The following CREB3 variants were observed in gnomAD, a reference collection of about 807,000 sequenced individuals.
CREB3 encodes the protein cyclic AMP-responsive element-binding protein 3.
CREB3 carries 29 observed loss-of-function variants against 34.5 expected under a neutral mutation model. That is an observed-to-expected ratio of 0.84 (90% CI 0.63 to 1.15). CREB3 has a LOEUF of 1.15. Ranked by LOEUF, CREB3 falls within the 50% of genes most tolerant of loss-of-function variation. The pLI, the probability that CREB3 is intolerant of heterozygous loss-of-function variation, is 0.00. For synonymous variants in CREB3, 187 were observed against 173.9 expected (o/e 1.08, Z -0.59); for missense variants, 447 against 443.4 (o/e 1.01, Z -0.07).
rs1750227344 is a variant in CREB3 at position 35,733,418 on chromosome 9, CAG to C, written c.370_371del (p.Asp124Ter). The C allele has an allele frequency of 1.9e-6, 3 of 1,613,692 alleles. No homozygotes were observed. The highest frequency in any genetic ancestry group is 1.3e-5 in the African/African-American group (1 of 74,908). On this transcript the variant is annotated frameshift_variant, in exon 4 of 9. Transcript: ENST00000353704. LOFTEE classifies it high-confidence loss of function. ...TAGGAGATTGCTAGGCTAGTACTGA[CAG>C]ATGAGGAGAAGAGTCTATTGGAGAA...
rs1402809995 is a variant in CREB3 at position 35,732,869 on chromosome 9, GC to G, written c.101del (p.Pro34HisfsTer17). ...LGTAPDEAVR[A>X]PLDWALPLSE... is the part of the protein sequence containing the mutation. ...GACGGCACCCGATGAGGCCGTGAGG[GC>G]CCCACTGGACTGGGCGCTGCCGCTT... On this transcript the variant is annotated frameshift_variant, in exon 1 of 9. Coordinates refer to ENST00000353704, the MANE Select transcript of CREB3 (RefSeq NM_006368.5). LOFTEE classifies it high-confidence loss of function. The surrounding 1 kb of genome is among the most constrained non-coding windows in gnomAD (Gnocchi z 5.1). The G allele has an allele frequency of 6.2e-7, 1 of 1,614,182 alleles. No individual in the cohort carries two copies. Among genetic ancestry groups the G allele is most frequent in the Admixed American group, 1.7e-5 (1 of 60,006 alleles).
rs1311252515 is a variant in CREB3 at position 35,735,383 on chromosome 9, C to T, written c.611+9C>T. ...CTGGAGGAACAGAATTTGTAAGTAT[C>T]CCTCCAAACCATTCCCTTCCTATGC... On this transcript the variant is annotated intron_variant, in intron 6 of 8. Transcript: ENST00000353704. The T allele has an allele frequency of 6.2e-7, 1 of 1,609,388 alleles. No individual in the cohort carries two copies. The highest frequency in any genetic ancestry group is 2.2e-5 in the East Asian group (1 of 44,860).
Position 35,736,249 on chromosome 9 carries a change from T to G in CREB3, c.719T>G (p.Leu240Arg), listed in dbSNP as rs746355965. ...CILVLLVSFC[L>R]LLVPAMYSSD... ...TAGGTCCTACTAGTCTCCTTCTGCC[T>G]CCTCCTTGTACCTGCTATGTACTCC... Residue 240 changes from leucine to arginine, a missense_variant, in exon 8 of 9, where the codon CTC (leucine) becomes CGC (arginine). Transcript: ENST00000353704. 5.0e-6 allele frequency: 8 copies of G among 1,614,022 alleles called. No homozygotes were observed. The African/African-American group carries it at 1.1e-4, about 22-fold the overall frequency.
Position 35,736,912 on chromosome 9 carries a change from GAATGTACCT to G in CREB3, c.*187_*195del. The G allele has an allele frequency of 1.4e-6, 1 of 727,894 alleles. No homozygotes were observed. The highest frequency in any genetic ancestry group is 2.2e-6 in the Non-Finnish European group (1 of 451,504). The allele number at this position is 727,894 out of a possible 1,614,324, so 45.1% of individuals were successfully genotyped here. On this transcript the variant is annotated 3_prime_UTR_variant, in exon 9 of 9. Transcript: ENST00000353704. The stretch of plus-strand genomic sequence containing the variant: ...TGTACCCATGTGTCTGTCACACCAT[GAATGTACCT>G]GGGGAAATCAACTGACCTCCCTGAA...
At position 35,733,215 on chromosome 9, in the gene CREB3, AGAGT is replaced by A. The variant is rs1369727531; in HGVS notation, c.282_285del (p.Ser94ArgfsTer10). 4 of 1,614,196 alleles carry A rather than the reference AGAGT, an allele frequency of 2.5e-6. No individual in the cohort carries two copies. The highest frequency in any genetic ancestry group is 2.2e-5 in the South Asian group (2 of 91,076). On this transcript the variant is annotated frameshift_variant and splice_region_variant, in exon 3 of 9. Coordinates refer to ENST00000353704, the MANE Select transcript of CREB3 (RefSeq NM_006368.5). LOFTEE classifies it high-confidence loss of function. Reference sequence around the variant, plus strand: ...GCTATTCATACTTTCCCTTTTGCAGAGAGTGAGAGCTGTAGAAAAGAGGGGACCC... The same window carrying A: ...GCTATTCATACTTTCCCTTTTGCAGAGAGAGCTGTAGAAAAGAGGGGACCC...
Position 35,733,052 on chromosome 9 carries a change from G to A in CREB3, c.186G>A (p.Ala62=), listed in dbSNP as rs748105562. Reference sequence around the variant, plus strand: ...TGTGCTCCCTGCTGAGTCCCCCAGCGTCGTTGAACATTCTCAGCTCCTCCA... The same window carrying A: ...TGTGCTCCCTGCTGAGTCCCCCAGCATCGTTGAACATTCTCAGCTCCTCCA... The part of the protein sequence containing the change: ...DLLCSLLSPP[A]SLNILSSSNP... Residue 62 remains alanine (A), a synonymous_variant, in exon 2 of 9, where the codon GCG becomes GCA. Transcript: ENST00000353704. 5.6e-6 allele frequency: 9 copies of A among 1,614,106 alleles called. No homozygotes were observed. The highest frequency in any genetic ancestry group is 6.8e-6 in the Non-Finnish European group (8 of 1,180,052).
In CREB3 at chr9:35,733,070, C is replaced by T. The variant is rs773516409; in HGVS notation, c.204C>T (p.Ser68=). ...CCCCAGCGTCGTTGAACATTCTCAG[C>T]TCCTCCAACCCCTGCCTTGTCCACC... ...LSPPASLNIL[S]SSNPCLVHHD... Residue 68 remains serine, a synonymous_variant, in exon 2 of 9, where the codon AGC becomes AGT. Coordinates refer to ENST00000353704, the MANE Select transcript of CREB3 (RefSeq NM_006368.5). 6.2e-7 allele frequency: 1 copy of T among 1,614,228 alleles called. No individual in the cohort carries two copies. Among genetic ancestry groups the T allele is most frequent in the South Asian group, 1.1e-5 (1 of 91,080 alleles).
Position 35,736,760 on chromosome 9 carries a change from C to G in CREB3, c.*34C>G, listed in dbSNP as rs1826228116. The G allele has an allele frequency of 6.4e-7, 1 of 1,554,922 alleles. No individual in the cohort carries two copies. Among genetic ancestry groups the G allele is most frequent in the Non-Finnish European group, 8.7e-7 (1 of 1,148,640 alleles). ...ATATGTGGGGGGTCTCAGCAGGAGCCTGGGGGGCTCCCCATCTGTGTCCAA... is the reference window on the plus strand; with the variant it reads ...ATATGTGGGGGGTCTCAGCAGGAGCGTGGGGGGCTCCCCATCTGTGTCCAA... On this transcript the variant is annotated 3_prime_UTR_variant, in exon 9 of 9. Coordinates refer to ENST00000353704, the MANE Select transcript of CREB3 (RefSeq NM_006368.5).
At chr9:35,734,467 GCT>G (rs1314466164) in intron 4 of CREB3, among the ~76,000 whole-genome samples, 2 of 151,574 alleles carry the variant, frequency 1.3e-5, no homozygotes, top group Non-Finnish European at 2.9e-5. Context: ...TTTTCTTTAA[GCT>G]CTGAGGAAAT....
In CREB3 at chr9:35,736,093, G is replaced by C; in HGVS notation, c.657G>C (p.Glu219Asp). The C allele has an allele frequency of 6.2e-7, 1 of 1,614,108 alleles. No homozygotes were observed. The highest frequency in any genetic ancestry group is 8.5e-7 in the Non-Finnish European group (1 of 1,179,994). ...GGAAACTCCAGGCCATGGTGATTGA[G>C]ATATCAAACAAAACCAGCAGCAGCA... ...QLRKLQAMVI[E>D]ISNKTSSSST... Residue 219 changes from glutamate to aspartate, a missense_variant, in exon 7 of 9, where the codon GAG becomes GAC. Coordinates refer to ENST00000353704, the MANE Select transcript of CREB3 (RefSeq NM_006368.5).
At chr9:35,734,468 C>T (rs758369552) in intron 4 of CREB3, among the ~76,000 whole-genome samples, 12 of 151,650 alleles carry the variant, frequency 7.9e-5, no homozygotes, top group Non-Finnish European at 7.4e-5. Flanking sequence ...TTTCTTTAAG[C>T]TCTGAGGAAA....
chr9:35,733,558 TATATCA>T (rs1826135875), intron 4 of CREB3, 73 bp downstream of exon 4: 1 of 995,230 alleles, frequency 1.0e-6, no homozygotes, highest in Non-Finnish European at 1.6e-6. Flanking sequence ...CTGTTAACTT[TATATCA>T]ATAACTTTAA....
chr9:35,733,989 T>A (rs1240092891), intron 4 of CREB3, among the ~76,000 whole-genome samples: 5 of 152,036 alleles, frequency 3.3e-5, no homozygotes. Context: ...ATATATATAT[T>A]TTTTGACAAG....
chr9:35,733,317 A>T, intron 3 of CREB3, 35 bp downstream of exon 3: 2 of 1,613,326 alleles, frequency 1.2e-6, no homozygotes, highest in East Asian at 4.5e-5. Context: ...TTACTCTCAC[A>T]TTCCCCAGGT....
Position 35,733,047 on chromosome 9 carries a change from C to A in CREB3, c.181C>A (p.Pro61Thr). The A allele has an allele frequency of 6.2e-7, 1 of 1,614,214 alleles. No homozygotes were observed. Among genetic ancestry groups the A allele is most frequent in the Non-Finnish European group, 8.5e-7 (1 of 1,180,030 alleles). ...TTTGCTGTGCTCCCTGCTGAGTCCC[C>A]CAGCGTCGTTGAACATTCTCAGCTC... ...DDLLCSLLSP[P>T]ASLNILSSSN... The change falls in exon 2 of 9, where the codon CCA becomes ACA. Residue 61 changes from proline (P) to threonine (T), a missense_variant. By Grantham distance (38) the Pro-to-Thr change is conservative (BLOSUM62 -1). Transcript: ENST00000353704.
intron 4 of CREB3, 65 bp from the exon 5 acceptor site, chr9:35,735,044 A>G: frequency 7.7e-7 from 1 of 1,297,628 alleles, no homozygotes; most frequent in Non-Finnish European, 1.1e-6. Context: ...GATTGATCTC[A>G]GTTGCGTTTC....
Position 35,735,209 on chromosome 9 carries a change from A to C in CREB3, c.536A>C (p.Glu179Ala). The C allele has an allele frequency of 6.2e-7, 1 of 1,611,540 alleles. No homozygotes were observed. Among genetic ancestry groups the C allele is most frequent in the Non-Finnish European group, 8.5e-7 (1 of 1,179,260 alleles). Reference protein sequence around the residue: ...RKKKVYVGGLESRVLKYTAQN... With the variant: ...RKKKVYVGGLASRVLKYTAQN... ...AAGAAGGTGTATGTTGGGGGTTTAG[A>C]GAGCAGGTATGAAAGGGAGAGGGAC... Residue 179 changes from glutamate to alanine, a missense_variant, in exon 5 of 9, where the codon GAG (glutamate) becomes GCG (alanine). Coordinates refer to ENST00000353704, the MANE Select transcript of CREB3 (RefSeq NM_006368.5).
chr9:35,733,514 T>C (rs1469522938), intron 4 of CREB3, 29 bp downstream of exon 4: 2 of 1,539,228 alleles, frequency 1.3e-6, no homozygotes, highest in Admixed American at 3.4e-5. Context: ...GAACAAAGGC[T>C]GAAAAGGGAT....
In CREB3 at chr9:35,732,907, T is replaced by C. The variant is rs2131920813; in HGVS notation, c.129+6T>C. The C allele has an allele frequency of 1.2e-6, 2 of 1,613,386 alleles. No individual in the cohort carries two copies. The highest frequency in any genetic ancestry group is 1.7e-6 in the Non-Finnish European group (2 of 1,179,608). On this transcript the variant is annotated splice_donor_region_variant and intron_variant, in intron 1 of 8. Coordinates refer to ENST00000353704, the MANE Select transcript of CREB3 (RefSeq NM_006368.5). The surrounding 1 kb of genome is among the most constrained non-coding windows in gnomAD (Gnocchi z 5.1). ...GGGCGCTGCCGCTTTCTGAGGTAGG[T>C]TGGGGTTCTGACTGGGGAAAGCGTG... is the stretch of plus-strand genomic sequence containing the variant.
Sources: allele counts gnomAD v4.1 joint callset (sites outside exome capture counted in the v4.1 genomes callset), GRCh38; gene constraint gnomAD v4.1.1; non-coding constraint Gnocchi (gnomAD v3.1); transcripts MANE v1.5; gene names NCBI Gene and HGNC (gene_info 2026-07-23, HGNC 2026-07-21).